Variants in NR3C1 observed in about 807,000 individuals in gnomAD.
The protein encoded by NR3C1 is glucocorticoid receptor.
NR3C1 carries 14 observed loss-of-function variants against 74.0 expected under a neutral mutation model. The observed-to-expected ratio is 0.19, with a 90% confidence interval of 0.12 to 0.30. NR3C1 has a LOEUF of 0.30. NR3C1 is among the 10% of genes least tolerant of loss of function. The pLI, the probability that NR3C1 is intolerant of heterozygous loss-of-function variation, is 1.00. For synonymous variants in NR3C1, 308 were observed against 332.5 expected (o/e 0.93, Z 0.80); for missense variants, 695 against 909.8 (o/e 0.76, Z 3.04).
chr5:143,304,693 C>T (rs928103585), intron 4 of NR3C1, among the ~76,000 whole-genome samples: 2 of 151,816 alleles, frequency 1.3e-5, no homozygotes, highest in African/African-American at 4.8e-5. Context: ...CAGCATGGTA[C>T]TGGTAAAAAA....
At chr5:143,294,923 C>T in intron 7 of NR3C1, 2 of 985,354 alleles carry the variant, frequency 2.0e-6, no homozygotes, top group Non-Finnish European at 2.4e-6. Context: ...AAAAAGTAAT[C>T]TCACAGAAGT....
chr5:143,364,643 T>C (rs1832882643), intron 2 of NR3C1, among the ~76,000 whole-genome samples: 1 of 152,094 alleles, frequency 6.6e-6, no homozygotes, highest in Non-Finnish European at 1.5e-5. Context: ...GCAGAAGAGG[T>C]ATACAGAGGC....
upstream of NR3C1, among the ~76,000 whole-genome samples, chr5:143,405,609 G>A (rs1056379940): frequency 1.6e-4 from 25 of 152,150 alleles, no homozygotes; most frequent in African/African-American, 6.0e-4. Flanking sequence ...ACGATCTACG[G>A]GGGCCGCCTC....
At chr5:143,308,388 T>C (rs1400725458) in intron 4 of NR3C1, among the ~76,000 whole-genome samples, 1 of 152,110 alleles carries the variant, frequency 6.6e-6, no homozygotes, top group Non-Finnish European at 1.5e-5. Flanking sequence ...GGCTTGAGTC[T>C]AGGAGTTCAA....
intron 1 of NR3C1, among the ~76,000 whole-genome samples, chr5:143,427,366 G>C (rs1219237981): frequency 6.6e-6 from 1 of 152,058 alleles, no homozygotes; most frequent in Non-Finnish European, 1.5e-5. Flanking sequence ...AGTAGGGTGG[G>C]CTGGGGGAAT....
At chr5:143,418,632 G>A (rs13166252) in intron 1 of NR3C1, among the ~76,000 whole-genome samples, 27,649 of 152,170 alleles carry the variant, frequency 0.18, 2,725 homozygotes, top group Middle Eastern at 0.35. Flanking sequence ...AGGGCACAGG[G>A]TGTGAAGGGG....
chr5:143,305,497 G>A (rs1032840108), intron 4 of NR3C1, among the ~76,000 whole-genome samples: 3 of 152,138 alleles, frequency 2.0e-5, no homozygotes, highest in African/African-American at 7.2e-5. Flanking sequence ...ACCAACCCAG[G>A]TGCCCATCAA....
chr5:143,291,674 A>C (rs554481425), intron 7 of NR3C1, among the ~76,000 whole-genome samples: 3 of 152,262 alleles, frequency 2.0e-5, no homozygotes, highest in Admixed American at 6.5e-5. Flanking sequence ...CTATGTTTAT[A>C]TTGCATTTGA....
At chr5:143,329,198 G>C (rs1033764028) in intron 2 of NR3C1, among the ~76,000 whole-genome samples, 12 of 152,164 alleles carry the variant, frequency 7.9e-5, no homozygotes, top group African/African-American at 2.9e-4. Flanking sequence ...AGCAAGGAAA[G>C]TCTTACATGG....
chr5:143,338,002 TTTA>T (rs893651484), intron 2 of NR3C1, among the ~76,000 whole-genome samples: 4 of 152,186 alleles, frequency 2.6e-5, no homozygotes, highest in Admixed American at 6.5e-5. Flanking sequence ...CACTGCTAGC[TTTA>T]TTATTATTAT....
chr5:143,406,048 T>C (rs1005611097), upstream of NR3C1, among the ~76,000 whole-genome samples: 9 of 152,124 alleles, frequency 5.9e-5, no homozygotes, highest in African/African-American at 1.7e-4. Context: ...ATGCTAATAA[T>C]TATCCTTGTA....
chr5:143,404,338 G>C (rs941243901), upstream of NR3C1: 5 of 985,390 alleles, frequency 5.1e-6, no homozygotes, highest in African/African-American at 1.7e-5. Flanking sequence ...GGAGGCTTCA[G>C]GGAAGGGACG....
At chr5:143,423,839 A>T (rs191274621) in intron 1 of NR3C1, among the ~76,000 whole-genome samples, 295 of 152,166 alleles carry the variant, frequency 1.9e-3, no homozygotes, top group Non-Finnish European at 3.0e-3. Flanking sequence ...ATTATGCAAG[A>T]GAAATAAGCC....
intron 2 of NR3C1, among the ~76,000 whole-genome samples, chr5:143,320,966 G>C (rs1337276825): frequency 6.6e-6 from 1 of 152,184 alleles, no homozygotes; most frequent in African/African-American, 2.4e-5. Context: ...ATAGTACATT[G>C]AATGGTAAAC....
At chr5:143,387,566 C>G (rs1412659019) in intron 2 of NR3C1, among the ~76,000 whole-genome samples, 1 of 152,100 alleles carries the variant, frequency 6.6e-6, no homozygotes, top group African/African-American at 2.4e-5. Flanking sequence ...GAGCCCTGTC[C>G]TTGTCCCTCC....
At position 143,333,135 on chromosome 5, in the gene NR3C1, G is replaced by A. The variant is rs1826356427; in HGVS notation, c.1185-18967C>T. ...GTTCTTGCGCCCTTTCCACCTCTCA[G>A]TGGCCCATCATGCTACCAAAAATAG... On this transcript the variant is annotated intron_variant, in intron 2 of 8. Coordinates refer to ENST00000394464, the MANE Select transcript of NR3C1 (RefSeq NM_000176.3). 6.9e-6 allele frequency: 11 copies of A among 1,588,972 alleles called. No individual in the cohort carries two copies. In the South Asian group the frequency reaches 1.2e-4, roughly 17 times the overall value.
At chr5:143,299,202 TG>T (rs1307517347) in intron 5 of NR3C1, among the ~76,000 whole-genome samples, 2 of 151,804 alleles carry the variant, frequency 1.3e-5, no homozygotes, top group African/African-American at 4.8e-5. Context: ...TTAGTAGAGA[TG>T]GGGTTTTGCT....
chr5:143,353,798 T>C (rs1459789265), intron 2 of NR3C1, among the ~76,000 whole-genome samples: 2 of 152,092 alleles, frequency 1.3e-5, no homozygotes, highest in African/African-American at 4.8e-5. Context: ...ATTTTTGGAG[T>C]GGTAAATGAG....
chr5:143,413,838 A>C (rs983269356), intron 1 of NR3C1, among the ~76,000 whole-genome samples: 40 of 152,150 alleles, frequency 2.6e-4, no homozygotes, highest in Non-Finnish European at 5.0e-4. Context: ...TACAAATGAA[A>C]GAGAGAGAAG....
Sources: allele counts gnomAD v4.1 joint callset (sites outside exome capture counted in the v4.1 genomes callset), GRCh38; gene constraint gnomAD v4.1.1; transcripts MANE v1.5; gene names NCBI Gene and HGNC (gene_info 2026-07-23, HGNC 2026-07-21).